The following LEPR variants were observed in gnomAD, a reference collection of about 807,000 sequenced individuals.
The protein encoded by LEPR is leptin receptor.
Under a neutral mutation model 114.7 loss-of-function variants are expected in LEPR, and 56 were observed. The observed-to-expected ratio is 0.49, with a 90% CI of 0.39 to 0.61. LEPR has a LOEUF of 0.61. LEPR is among the 20% of genes least tolerant of loss of function. The pLI is 0.00. For missense variants in LEPR, 1,202 were observed against 1,352.9 expected (o/e 0.89, Z 1.75); for synonymous variants, 443 against 461.4 (o/e 0.96, Z 0.51).
chr1:65,488,226 C>CTCTCTT lies in LEPR; in HGVS notation c.-21+62851_-21+62852insCTTTCT, dbSNP rs1553157734. 2.0e-3 allele frequency among the ~76,000 whole-genome samples: 135 copies of CTCTCTT among 67,920 alleles called. 7 individuals carry two copies. The highest frequency in any genetic ancestry group is 9.8e-3 in the African/African-American group (112 of 11,412). 44.6% of individuals were successfully genotyped at this position (67,920 alleles called of 152,430 possible). On this transcript the variant is annotated intron_variant, in intron 2 of 19. Transcript: ENST00000349533. ...TTTCTTTCTTTCTCTCTCTCTCTCT[C>CTCTCTT]TCTTTCTTTCTTTCTTTCTTTCTTT...
chr1:65,455,246 T>G (rs1349318956), intron 2 of LEPR, among the ~76,000 whole-genome samples: 6 of 152,056 alleles, frequency 3.9e-5, no homozygotes, highest in South Asian at 2.1e-4. Context: ...CCGTAGCTCG[T>G]AGTAATTTGA....
At chr1:65,621,550 G>A in intron 18 of LEPR, 92 bp downstream of exon 18, 3 of 1,063,858 alleles carry the variant, frequency 2.8e-6, no homozygotes, top group Admixed American at 1.9e-5. Flanking sequence ...GAATATTAAA[G>A]TCTTCTAAGT....
chr1:65,588,366 C>G (rs201822029), intron 5 of LEPR, among the ~76,000 whole-genome samples: 2 of 149,484 alleles, frequency 1.3e-5, no homozygotes, highest in Admixed American at 6.7e-5. Flanking sequence ...GTATTGCTTA[C>G]AAAAATTTCC....
intron 2 of LEPR, among the ~76,000 whole-genome samples, chr1:65,437,342 G>C (rs751458648): frequency 2.0e-5 from 3 of 151,950 alleles, no homozygotes; most frequent in Non-Finnish European, 4.4e-5. Context: ...CCTCAACCTC[G>C]TAAGTAGCTA....
intron 2 of LEPR, among the ~76,000 whole-genome samples, chr1:65,550,970 C>A (rs1270315135): frequency 6.6e-6 from 1 of 151,700 alleles, no homozygotes; most frequent in African/African-American, 2.4e-5. Context: ...GCTCCTCCCC[C>A]CATCATGTGG....
intron 16 of LEPR, 57 bp downstream of exon 16, chr1:65,618,203 T>G: frequency 1.4e-6 from 2 of 1,470,202 alleles, no homozygotes; most frequent in Non-Finnish European, 1.9e-6. Context: ...CACTACAGAT[T>G]ATTAATTCTA....
At chr1:65,447,179 G>A (rs190135953) in intron 2 of LEPR, among the ~76,000 whole-genome samples, 12 of 151,964 alleles carry the variant, frequency 7.9e-5, no homozygotes, top group Non-Finnish European at 1.3e-4. Flanking sequence ...GCCTAATGTC[G>A]TGATGATTTT....
intron 2 of LEPR, among the ~76,000 whole-genome samples, chr1:65,475,586 C>T (rs1376174011): frequency 6.6e-6 from 1 of 151,882 alleles, no homozygotes; most frequent in Non-Finnish European, 1.5e-5. Flanking sequence ...TACTTTAAAA[C>T]ATTCTAATAA....
In LEPR at chr1:65,616,010, C is replaced by A; in HGVS notation, c.1998C>A (p.Pro666=). ...ATCAATTTCTATATTTACTACAGCCCCTGATGAAAAATGACTCATTGTGCA... is the reference window on the plus strand; with the variant it reads ...ATCAATTTCTATATTTACTACAGCCACTGATGAAAAATGACTCATTGTGCA... ...KEKNVTLLWK[P]LMKNDSLCSV... is the part of the protein sequence containing the mutation. Residue 666 remains proline (P), a splice_region_variant and synonymous_variant, in exon 15 of 20, where the codon CCC becomes CCA. Coordinates refer to ENST00000349533, the MANE Select transcript of LEPR (RefSeq NM_002303.6). 6.2e-7 allele frequency: 1 copy of A among 1,614,042 alleles called. No homozygotes were observed. Among genetic ancestry groups the A allele is most frequent in the Non-Finnish European group, 8.5e-7 (1 of 1,179,986 alleles).
intron 5 of LEPR, chr1:65,577,531 C>A: frequency 5.8e-6 from 1 of 173,692 alleles, no homozygotes; most frequent in South Asian, 1.6e-4. Context: ...TATTCTTTGT[C>A]CCTGGCACAT....
At chr1:65,485,349 C>A (rs1222540726) in intron 2 of LEPR, among the ~76,000 whole-genome samples, 1 of 151,976 alleles carries the variant, frequency 6.6e-6, no homozygotes. Flanking sequence ...ATATTTTTTT[C>A]TTTTTTAATC....
chr1:65,549,421 T>A (rs1163279809), intron 2 of LEPR, among the ~76,000 whole-genome samples: 1 of 152,212 alleles, frequency 6.6e-6, no homozygotes, highest in African/African-American at 2.4e-5. Context: ...CTTGGTTCCA[T>A]TCTCCAAGTT....
At position 65,608,870 on chromosome 1, in the gene LEPR, A is replaced by G. The variant is rs1222333336; in HGVS notation, c.1721A>G (p.Tyr574Cys). The change falls in exon 12 of 20, where the codon TAT becomes TGT. Residue 574 changes from tyrosine to cysteine, a missense_variant. Coordinates refer to ENST00000349533, the MANE Select transcript of LEPR (RefSeq NM_002303.6). ...AATAACCTTCAATTCCAGATTCGCTATGGTTTAAGTGGAAAAGAAGTACAA... is the reference window on the plus strand; with the variant it reads ...AATAACCTTCAATTCCAGATTCGCTGTGGTTTAAGTGGAAAAGAAGTACAA... Reference protein sequence around the residue: ...PENNLQFQIRYGLSGKEVQWK... With the variant: ...PENNLQFQIRCGLSGKEVQWK... The G allele has an allele frequency of 1.2e-6, 2 of 1,613,652 alleles. No homozygotes were observed. Among genetic ancestry groups the G allele is most frequent in the Non-Finnish European group, 1.7e-6 (2 of 1,179,828 alleles).
At chr1:65,550,714 G>A (rs192167668) in intron 2 of LEPR, among the ~76,000 whole-genome samples, 19 of 152,288 alleles carry the variant, frequency 1.2e-4, no homozygotes, top group Admixed American at 3.3e-4. Flanking sequence ...TCCAGGTGCC[G>A]TCTGTCACCT....
At chr1:65,466,817 T>C (rs1647019115) in intron 2 of LEPR, among the ~76,000 whole-genome samples, 1 of 152,218 alleles carries the variant, frequency 6.6e-6, no homozygotes, top group Non-Finnish European at 1.5e-5. Context: ...TTGATTGAAT[T>C]GGCTATTGAA....
chr1:65,429,710 G>A, intron 2 of LEPR: 1 of 634,004 alleles, frequency 1.6e-6, no homozygotes, highest in Non-Finnish European at 2.5e-6. Context: ...TCTATCCCTG[G>A]TAGAAATCAT....
intron 2 of LEPR, among the ~76,000 whole-genome samples, chr1:65,530,342 CCAGACCCCAAGAGAGGGTTCTTGGATCT>C (rs1270498474): frequency 6.6e-6 from 1 of 152,158 alleles, no homozygotes; most frequent in Non-Finnish European, 1.5e-5. Context: ...GGGTCCCAAT[CCAGACCCCAAGAGAGGGTTCTTGGATCT>C]CATGCAAGAA....
intron 2 of LEPR, among the ~76,000 whole-genome samples, chr1:65,513,098 T>C (rs1358214248): frequency 6.6e-6 from 1 of 152,190 alleles, no homozygotes; most frequent in Non-Finnish European, 1.5e-5. Context: ...GACTGGCCTT[T>C]TTCTAGTCAT....
chr1:65,536,994 G>A (rs1046845197), intron 2 of LEPR, among the ~76,000 whole-genome samples: 3 of 152,120 alleles, frequency 2.0e-5, no homozygotes, highest in Admixed American at 6.6e-5. Context: ...CATTAAGAAA[G>A]TGTCCAGTTT....
Sources: gnomAD v4.1 joint callset for allele counts (sites outside exome capture counted in the v4.1 genomes callset) on GRCh38, gnomAD v4.1.1 for gene constraint, MANE v1.5 for transcripts, NCBI Gene and HGNC (gene_info 2026-07-23, HGNC 2026-07-21) for gene names.